Variants in MACROD2 observed in about 807,000 individuals in gnomAD.
MACROD2 encodes the protein ADP-ribose glycohydrolase MACROD2.
In MACROD2, 36 loss-of-function variants were observed where a neutral mutation model predicts 70.4. The observed-to-expected ratio is 0.51, with a 90% CI of 0.39 to 0.68. The LOEUF (loss-of-function observed/expected upper bound fraction) is 0.68. Ranked by LOEUF, MACROD2 falls within the 30% of genes least tolerant of loss-of-function variation. The probability of loss-of-function intolerance (pLI) is 0.00; values close to 1 mark genes in which losing one functional copy is unlikely to be tolerated. For missense variants in MACROD2, 496 were observed against 538.4 expected, an observed-to-expected ratio of 0.92 and a Z score of 0.78; for synonymous variants, 172 against 178.8, an observed-to-expected ratio of 0.96 and a Z score of 0.30.
At chr20:15,116,657 T>C (rs2075993784) in intron 5 of MACROD2, among the ~76,000 whole-genome samples, 1 of 152,190 alleles carries the variant, frequency 6.6e-6, no homozygotes, top group African/African-American at 2.4e-5. Context: ...AAAAAGGTAG[T>C]AAATGTATTT....
In MACROD2 at chr20:15,392,979, A is replaced by G. The variant is rs558487494; in HGVS notation, c.541-38426A>G. ...GTGCTGCTAAGAGGGTTTGAGAAGC[A>G]TGGGATAAGGGTGGCGGCAATGTGG... On this transcript the variant is annotated intron_variant, in intron 6 of 17. Transcript: ENST00000684519. 1.4e-4 allele frequency among the ~76,000 whole-genome samples: 22 copies of G among 152,198 alleles called. 1 individual carries two copies. In the South Asian group the frequency reaches 4.6e-3, roughly 32 times the overall value.
chr20:14,777,341 A>G (rs1022552576), intron 5 of MACROD2, among the ~76,000 whole-genome samples: 1 of 152,030 alleles, frequency 6.6e-6, no homozygotes, highest in Non-Finnish European at 1.5e-5. Context: ...CCACCTGAGA[A>G]AAATGCAGCT....
chr20:15,529,866 G>A (rs1039739689), intron 8 of MACROD2, among the ~76,000 whole-genome samples: 1 of 152,202 alleles, frequency 6.6e-6, no homozygotes. Flanking sequence ...ACAAAACAGT[G>A]TGGGAGAGTG....
At chr20:14,120,695 A>G (rs1936077765) in intron 3 of MACROD2, among the ~76,000 whole-genome samples, 1 of 151,328 alleles carries the variant, frequency 6.6e-6, no homozygotes, top group African/African-American at 2.4e-5. Context: ...ATATATATAT[A>G]TATAATGGAA....
rs149296240 is a variant in MACROD2, at chr20:14,703,010, G to C, written c.418+18051G>C. Among the ~76,000 whole-genome samples, 1,246 of 152,006 alleles carry C rather than the reference G, an allele frequency of 8.2e-3. 7 individuals are homozygous for C. The highest frequency in any genetic ancestry group is 0.013 in the Non-Finnish European group (883 of 67,978). ...CCCAAAGTGCTGAGATTACAGGTGT[G>C]AGCCACCACAGCCAACCTAAACATT... On this transcript the variant is annotated intron_variant, in intron 5 of 17. Coordinates refer to ENST00000684519, the MANE Select transcript of MACROD2 (RefSeq NM_001351661.2).
intron 3 of MACROD2, among the ~76,000 whole-genome samples, chr20:14,473,113 G>A (rs1485988250): frequency 1.3e-5 from 2 of 152,112 alleles, no homozygotes; most frequent in Non-Finnish European, 2.9e-5. Context: ...AATATGTAAT[G>A]ATCAACCTCA....
At chr20:14,925,880 G>A (rs432485) in intron 5 of MACROD2, among the ~76,000 whole-genome samples, 10,528 of 152,244 alleles carry the variant, frequency 0.069, 402 homozygotes, top group African/African-American at 0.1. Flanking sequence ...GATTATCAAT[G>A]GCCTGGCTCG....
intron 5 of MACROD2, among the ~76,000 whole-genome samples, chr20:15,063,244 A>G (rs1285433690): frequency 6.6e-6 from 1 of 152,024 alleles, no homozygotes; most frequent in Non-Finnish European, 1.5e-5. Flanking sequence ...GCAAATTGCA[A>G]TGTCATCATA....
chr20:15,759,159 A>AAAAC (rs2051397309), intron 8 of MACROD2, among the ~76,000 whole-genome samples: 1 of 151,244 alleles, frequency 6.6e-6, no homozygotes, highest in Admixed American at 6.6e-5. Context: ...AAAAAAAAAA[A>AAAAC]AAAAAAACAG....
At chr20:14,835,832 A>G (rs1454917201) in intron 5 of MACROD2, among the ~76,000 whole-genome samples, 1 of 152,026 alleles carries the variant, frequency 6.6e-6, no homozygotes, top group Non-Finnish European at 1.5e-5. Flanking sequence ...CCCATCACTC[A>G]TATTGCCTTA....
intron 3 of MACROD2, among the ~76,000 whole-genome samples, chr20:14,136,794 C>T (rs190927534): frequency 1.3e-5 from 2 of 152,176 alleles, no homozygotes; most frequent in African/African-American, 4.8e-5. Context: ...ACCTTCTATT[C>T]TCTTCCCTTA....
chr20:15,986,133 C>T (rs961986590), intron 13 of MACROD2, among the ~76,000 whole-genome samples: 7 of 152,308 alleles, frequency 4.6e-5, no homozygotes, highest in Non-Finnish European at 7.4e-5. Flanking sequence ...GGCCTGGTTT[C>T]GGGGCTGGTG....
intron 3 of MACROD2, among the ~76,000 whole-genome samples, chr20:14,282,626 A>C (rs2082315284): frequency 6.6e-6 from 1 of 152,198 alleles, no homozygotes; most frequent in South Asian, 2.1e-4. Flanking sequence ...AAAGAGGTTT[A>C]ATTGGCTCAT....
intron 5 of MACROD2, among the ~76,000 whole-genome samples, chr20:14,877,621 G>T (rs2073564896): frequency 1.3e-5 from 2 of 152,094 alleles, no homozygotes; most frequent in South Asian, 4.2e-4. Context: ...TTTGGGGTAT[G>T]TTCCTTCAAT....
chr20:14,279,019 A>G (rs553980069), intron 3 of MACROD2, among the ~76,000 whole-genome samples: 1 of 152,168 alleles, frequency 6.6e-6, no homozygotes, highest in Non-Finnish European at 1.5e-5. Flanking sequence ...ACGTGGAGCA[A>G]GAGTCTGTGT....
At chr20:14,899,296 G>A (rs950783420) in intron 5 of MACROD2, among the ~76,000 whole-genome samples, 18 of 151,986 alleles carry the variant, frequency 1.2e-4, no homozygotes, top group Admixed American at 7.2e-4. Flanking sequence ...TAGTTTGCCC[G>A]GGTTGCCATA....
intron 5 of MACROD2, among the ~76,000 whole-genome samples, chr20:15,095,008 A>G (rs2075818139): frequency 6.7e-6 from 1 of 148,960 alleles, no homozygotes; most frequent in African/African-American, 2.5e-5. Context: ...AAAGACCTGT[A>G]CAGTGAGACC....
intron 4 of MACROD2, among the ~76,000 whole-genome samples, chr20:14,584,353 G>C (rs1342890256): frequency 1.3e-5 from 2 of 151,964 alleles, no homozygotes; most frequent in African/African-American, 2.4e-5. Flanking sequence ...TTTTAGTTAG[G>C]GTTGCTATAA....
chr20:14,064,027 T>C (rs1267601226), intron 2 of MACROD2, among the ~76,000 whole-genome samples: 2 of 152,192 alleles, frequency 1.3e-5, no homozygotes, highest in African/African-American at 4.8e-5. Flanking sequence ...GAGCCTGTCC[T>C]GTCCGAAGCA....
Sources: gnomAD v4.1 joint callset for allele counts (sites outside exome capture counted in the v4.1 genomes callset) on GRCh38, gnomAD v4.1.1 for gene constraint, MANE v1.5 for transcripts, NCBI Gene and HGNC (gene_info 2026-07-23, HGNC 2026-07-21) for gene names.